Variants in IGF2BP2 observed in about 807,000 individuals in gnomAD.
IGF2BP2 encodes the protein insulin-like growth factor 2 mRNA-binding protein 2.
Under a neutral mutation model 75.8 loss-of-function variants are expected in IGF2BP2, and 17 were observed. The ratio of observed to expected loss-of-function variants is 0.22; its 90% CI spans 0.15 to 0.34. The LOEUF is 0.34. Ranked by LOEUF, IGF2BP2 falls within the 10% of genes least tolerant of loss-of-function variation. The pLI, the probability that IGF2BP2 is intolerant of heterozygous loss-of-function variation, is 1.00. For missense variants in IGF2BP2, 516 were observed against 772.4 expected (o/e 0.67, Z 3.93); for synonymous variants, 288 against 295.6 (o/e 0.97, Z 0.26).
At chr3:185,689,024 G>C (rs1308276381) in intron 6 of IGF2BP2, 4 of 215,622 alleles carry the variant, frequency 1.9e-5, no homozygotes, top group Non-Finnish European at 2.8e-5. Flanking sequence ...GAAGAGCTAT[G>C]ATGAGTGGGT....
At chr3:185,672,963 A>G (rs954122677) in intron 9 of IGF2BP2, among the ~76,000 whole-genome samples, 3 of 151,956 alleles carry the variant, frequency 2.0e-5, no homozygotes, top group African/African-American at 7.3e-5. Context: ...TTCATCTCCA[A>G]CCTGGCCAGT....
chr3:185,817,000 C>T (rs1262634340), intron 2 of IGF2BP2, among the ~76,000 whole-genome samples: 2 of 152,244 alleles, frequency 1.3e-5, no homozygotes, highest in East Asian at 1.9e-4. Context: ...TGTTCCCATA[C>T]AAATTTTTCT....
chr3:185,764,974 G>C (rs572178510), intron 2 of IGF2BP2, among the ~76,000 whole-genome samples: 1 of 152,268 alleles, frequency 6.6e-6, no homozygotes, highest in African/African-American at 2.4e-5. Context: ...CTTGCAAACA[G>C]GCTGGGTCCA....
chr3:185,708,507 G>T (rs1366296249), intron 2 of IGF2BP2, among the ~76,000 whole-genome samples: 1 of 152,130 alleles, frequency 6.6e-6, no homozygotes, highest in Non-Finnish European at 1.5e-5. Flanking sequence ...ATGCCCTTTA[G>T]AGGGGTGATA....
At chr3:185,689,278 A>C (rs1272172495) in intron 6 of IGF2BP2, 77 bp downstream of exon 6, 1 of 1,474,080 alleles carries the variant, frequency 6.8e-7, no homozygotes, top group Non-Finnish European at 9.2e-7. Context: ...AGCAATTGTG[A>C]CCTAAGAGTG....
At chr3:185,667,696 T>G (rs1717863073) in intron 10 of IGF2BP2, among the ~76,000 whole-genome samples, 1 of 152,242 alleles carries the variant, frequency 6.6e-6, no homozygotes, top group East Asian at 1.9e-4. Flanking sequence ...AATTCCAGTC[T>G]TAGAGAATTT....
At chr3:185,646,912 A>T (rs565059909) in intron 15 of IGF2BP2, 113 bp downstream of exon 15, 1 of 767,298 alleles carries the variant, frequency 1.3e-6, no homozygotes, top group South Asian at 1.5e-5. Context: ...GAGAGGTTCC[A>T]TCTTGGCGTG....
intron 2 of IGF2BP2, among the ~76,000 whole-genome samples, chr3:185,748,333 G>A (rs1730537210): frequency 6.6e-6 from 1 of 152,202 alleles, no homozygotes; most frequent in Non-Finnish European, 1.5e-5. Flanking sequence ...TGTACTCAGT[G>A]TGTCAGTGAA....
chr3:185,700,792 A>G (rs907767214), intron 2 of IGF2BP2, among the ~76,000 whole-genome samples: 26 of 152,358 alleles, frequency 1.7e-4, no homozygotes, highest in African/African-American at 5.3e-4. Flanking sequence ...AACAGAGTGC[A>G]TACAATCTAA....
chr3:185,665,296 GAGAAGGAGAAGGAGCAGAAGGAGA>G (rs1717190010), intron 10 of IGF2BP2, among the ~76,000 whole-genome samples: 2 of 120,408 alleles, frequency 1.7e-5, no homozygotes, highest in Non-Finnish European at 3.5e-5. Flanking sequence ...GAAGAAGGAG[GAGAAGGAGAAGGAGCAGAAGGAGA>G]AGGAGGAGGA....
Position 185,689,761 on chromosome 3 carries a change from G to T in IGF2BP2, c.405-134C>A. 3 of 924,922 alleles carry T rather than the reference G, an allele frequency of 3.2e-6. No homozygotes were observed. In the Admixed American group the frequency reaches 6.5e-5, roughly 20 times the overall value. 57.3% of individuals were successfully genotyped at this position (924,922 alleles called of 1,614,324 possible). ...AGGCGGGTGGATCACGAGGTCAGGA[G>T]ATCGAGACCATCCCGGCTAAAACGG... On this transcript the variant is annotated intron_variant, in intron 5 of 15. Coordinates refer to ENST00000382199, the MANE Select transcript of IGF2BP2 (RefSeq NM_006548.6).
At chr3:185,724,232 C>G (rs1335208557) in intron 2 of IGF2BP2, among the ~76,000 whole-genome samples, 2 of 152,202 alleles carry the variant, frequency 1.3e-5, no homozygotes, top group Non-Finnish European at 2.9e-5. Context: ...CTGGGCTCTT[C>G]TTGTCCACTG....
intron 2 of IGF2BP2, among the ~76,000 whole-genome samples, chr3:185,738,448 TAGGGGAGTCAGGA>T (rs1729130398): frequency 6.6e-6 from 1 of 152,112 alleles, no homozygotes; most frequent in Admixed American, 6.5e-5. Context: ...AGGAACAGCC[TAGGGGAGTCAGGA>T]AGGGCTTCAG....
At chr3:185,723,145 G>A (rs909794954) in intron 2 of IGF2BP2, among the ~76,000 whole-genome samples, 3 of 152,278 alleles carry the variant, frequency 2.0e-5, no homozygotes, top group East Asian at 1.9e-4. Context: ...AAGTGGGAAA[G>A]GTTTGTGAAC....
chr3:185,776,111 A>G (rs898569733), intron 2 of IGF2BP2, among the ~76,000 whole-genome samples: 3 of 152,078 alleles, frequency 2.0e-5, no homozygotes, highest in Non-Finnish European at 2.9e-5. Flanking sequence ...TGGGTGTGGT[A>G]GTGCACACCT....
At chr3:185,724,899 T>C (rs1300280647) in intron 2 of IGF2BP2, 3 of 152,212 alleles carry the variant, frequency 2.0e-5, no homozygotes, top group Non-Finnish European at 4.4e-5. Context: ...AGTGATAGTT[T>C]GTGACTGCTG....
At chr3:185,672,724 C>G (rs1194382990) in intron 9 of IGF2BP2, 55 bp from the exon 10 acceptor site, 3 of 1,603,652 alleles carry the variant, frequency 1.9e-6, no homozygotes, top group Non-Finnish European at 2.6e-6. Flanking sequence ...GAGGCCCGCA[C>G]GCCTGGGTCA....
At chr3:185,803,309 C>T (rs1357852809) in intron 2 of IGF2BP2, among the ~76,000 whole-genome samples, 1 of 152,240 alleles carries the variant, frequency 6.6e-6, no homozygotes, top group Non-Finnish European at 1.5e-5. Flanking sequence ...CGAGATCATG[C>T]TACTGCACTC....
intron 2 of IGF2BP2, among the ~76,000 whole-genome samples, chr3:185,763,544 G>C (rs1202181049): frequency 6.6e-6 from 1 of 152,208 alleles, no homozygotes; most frequent in African/African-American, 2.4e-5. Flanking sequence ...ATTTTGGAAT[G>C]CATATTATGT....
Sources: allele counts gnomAD v4.1 joint callset (sites outside exome capture counted in the v4.1 genomes callset), GRCh38; gene constraint gnomAD v4.1.1; transcripts MANE v1.5; gene names NCBI Gene and HGNC (gene_info 2026-07-23, HGNC 2026-07-21).